The following GAN variants were observed in gnomAD, a reference collection of about 807,000 sequenced individuals.
GAN encodes the protein epididymis secretory sperm binding protein.
GAN carries 48 observed loss-of-function variants against 71.3 expected under a neutral mutation model. That is an observed-to-expected ratio of 0.67 (90% CI 0.53 to 0.86). The LOEUF is 0.86. GAN is among the 40% of genes least tolerant of loss of function. GAN has a pLI of 0.00. For missense variants in GAN, 928 were observed against 770.1 expected, an observed-to-expected ratio of 1.21 and a Z score of -2.43; for synonymous variants, 386 against 276.8, an observed-to-expected ratio of 1.39 and a Z score of -3.92.
intron 1 of GAN, among the ~76,000 whole-genome samples, chr16:81,340,970 C>T (rs979898710): frequency 1.3e-5 from 2 of 151,732 alleles, no homozygotes; most frequent in African/African-American, 4.8e-5. Flanking sequence ...AGCTGAAAAC[C>T]ACAGTATGAG....
intron 1 of GAN, among the ~76,000 whole-genome samples, chr16:81,315,620 G>A (rs979553714): frequency 2.5e-4 from 38 of 152,226 alleles, no homozygotes; most frequent in African/African-American, 8.9e-4. Context: ...GCCCCCAGAC[G>A]CCGTCCTGGG....
At chr16:81,367,890 T>C (rs1322777392) in intron 9 of GAN, among the ~76,000 whole-genome samples, 8 of 152,332 alleles carry the variant, frequency 5.3e-5, no homozygotes, top group African/African-American at 1.7e-4. Flanking sequence ...CTTAAAAATA[T>C]AGGCTTTCCT....
At chr16:81,340,101 G>A (rs1445408598) in intron 1 of GAN, among the ~76,000 whole-genome samples, 1 of 151,910 alleles carries the variant, frequency 6.6e-6, no homozygotes, top group African/African-American at 2.4e-5. Flanking sequence ...CTTTATATTT[G>A]TTCGTTTCTT....
At chr16:81,325,604 T>C (rs1379100313) in intron 1 of GAN, among the ~76,000 whole-genome samples, 1 of 152,162 alleles carries the variant, frequency 6.6e-6, no homozygotes, top group South Asian at 2.1e-4. Flanking sequence ...CAGGAAGGGA[T>C]GAACATGGAG....
chr16:81,376,629 T>C (rs549391568), intron 9 of GAN, among the ~76,000 whole-genome samples: 32 of 150,538 alleles, frequency 2.1e-4, no homozygotes, highest in African/African-American at 5.1e-4. Flanking sequence ...TATATATACA[T>C]ACATATATGT....
chr16:81,361,773 C>T (rs1208477813), intron 5 of GAN, among the ~76,000 whole-genome samples: 2 of 152,216 alleles, frequency 1.3e-5, no homozygotes, highest in African/African-American at 4.8e-5. Context: ...CAGCCCACTT[C>T]AGCTTCACAC....
Position 81,354,176 on chromosome 16 carries a change from A to G in GAN, c.283-229A>G, listed in dbSNP as rs185763368. Among the ~76,000 whole-genome samples the G allele has an allele frequency of 8.9e-3, 1,348 of 152,274 alleles. 7 individuals are homozygous for G. Among genetic ancestry groups the G allele is most frequent in the Non-Finnish European group, 0.013 (857 of 68,028 alleles). On this transcript the variant is annotated intron_variant, in intron 2 of 10. Transcript: ENST00000648994. ...TATTGGTGGTTGACATTGGTACAGC[A>G]AGGGCAGAGCTGGGAAAAGTTAACC...
At chr16:81,328,536 A>C (rs1321766874) in intron 1 of GAN, among the ~76,000 whole-genome samples, 2 of 152,178 alleles carry the variant, frequency 1.3e-5, no homozygotes, top group Non-Finnish European at 2.9e-5. Context: ...CCTACTTTGG[A>C]GACTATATCC....
At chr16:81,357,354 G>A (rs1431283682) in intron 4 of GAN, among the ~76,000 whole-genome samples, 1 of 152,090 alleles carries the variant, frequency 6.6e-6, no homozygotes, top group African/African-American at 2.4e-5. Flanking sequence ...AGAATATGCG[G>A]TGTTTGGTTT....
Position 81,354,576 on chromosome 16 carries a change from C to T in GAN, c.454C>T (p.Leu152Phe). The T allele has an allele frequency of 1.2e-6, 2 of 1,614,138 alleles. No homozygotes were observed. The highest frequency in any genetic ancestry group is 1.7e-6 in the Non-Finnish European group (2 of 1,180,004). Residue 152 changes from leucine (L) to phenylalanine (F), a missense_variant, in exon 3 of 11, where the codon CTT (leucine) becomes TTT (phenylalanine). By Grantham distance (22) the Leu-to-Phe change is conservative (BLOSUM62 0). Transcript: ENST00000648994. ...LHYCLHHVHYLATEYLETHFR... is the reference protein window; with the variant it reads ...LHYCLHHVHYFATEYLETHFR... ...TTACTGCCTCCATCACGTTCATTAC[C>T]TTGCCACAGAATACCTGGAGACTCA...
At position 81,384,300 on chromosome 16, in the gene GAN, T is replaced by TAAAAAAAAA; in HGVS notation, c.*6712_*6720dup. 1 of 123,710 alleles carries TAAAAAAAAA rather than the reference T, an allele frequency of 8.1e-6. No individual in the cohort carries two copies. Among genetic ancestry groups the TAAAAAAAAA allele is most frequent in the East Asian group, 2.1e-4 (1 of 4,682 alleles). 7.7% of individuals were successfully genotyped at this position (123,710 alleles called of 1,614,324 possible). ...AAGGCCTGTTTTCCATTTTACTACT[T>TAAAAAAAAA]AAAAAAAAAAAAAAAAGAAAAGAAA... On this transcript the variant is annotated 3_prime_UTR_variant, in exon 11 of 11. Transcript: ENST00000648994.
chr16:81,373,876 G>T (rs1349635861), intron 9 of GAN, among the ~76,000 whole-genome samples: 4 of 152,160 alleles, frequency 2.6e-5, no homozygotes, highest in African/African-American at 9.7e-5. Context: ...CCAAGTAGCT[G>T]GGACTACAGG....
intron 1 of GAN, among the ~76,000 whole-genome samples, chr16:81,343,722 C>G (rs531831779): frequency 6.6e-6 from 1 of 152,296 alleles, no homozygotes; most frequent in Non-Finnish European, 1.5e-5. Flanking sequence ...CAAGGATGCC[C>G]TCTCTCACCA....
chr16:81,339,928 T>G (rs1909886605), intron 1 of GAN, among the ~76,000 whole-genome samples: 1 of 152,192 alleles, frequency 6.6e-6, no homozygotes, highest in African/African-American at 2.4e-5. Context: ...CTTCAGGTGT[T>G]TGGAGACTTC....
rs56023541 is a variant in GAN, at chr16:81,383,242, C to CTTTTTTTTT, written c.*5666_*5674dup. ...TAGTCAGAAATGACTGTTGCCCTCTCTTTTTTTTTTTTTTTTTTTTTTTTT... is the reference window on the plus strand; with the variant it reads ...TAGTCAGAAATGACTGTTGCCCTCTCTTTTTTTTTTTTTTTTTTTTTTTTTTTTTTTTTT... On this transcript the variant is annotated 3_prime_UTR_variant, in exon 11 of 11. Coordinates refer to ENST00000648994, the MANE Select transcript of GAN (RefSeq NM_022041.4). 1 of 93,622 alleles carries CTTTTTTTTT rather than the reference C, an allele frequency of 1.1e-5. No homozygotes were observed. The highest frequency in any genetic ancestry group is 2.1e-5 in the Non-Finnish European group (1 of 48,506). The allele number at this position is 93,622 out of a possible 1,614,324, so 5.8% of individuals were successfully genotyped here.
intron 1 of GAN, among the ~76,000 whole-genome samples, chr16:81,329,009 G>C (rs138946559): frequency 0.012 from 1,824 of 152,028 alleles, 16 homozygotes; most frequent in Non-Finnish European, 0.019. Flanking sequence ...TAAAAATCTG[G>C]GCGTAAAATC....
chr16:81,341,542 A>C (rs1909942953), intron 1 of GAN, among the ~76,000 whole-genome samples: 2 of 152,322 alleles, frequency 1.3e-5, no homozygotes, highest in South Asian at 4.1e-4. Context: ...AAGCTTCATA[A>C]GTGAAGGAGA....
intron 5 of GAN, among the ~76,000 whole-genome samples, chr16:81,360,067 ATAGATG>A (rs1910624534): frequency 3.3e-5 from 5 of 151,950 alleles, no homozygotes; most frequent in Admixed American, 2.6e-4. Flanking sequence ...GGATGGATGG[ATAGATG>A]GATGGACAGA....
Position 81,365,404 on chromosome 16 carries a change from C to T in GAN, c.1428C>T (p.Val476=), listed in dbSNP as rs774365963. 5 of 1,613,312 alleles carry T rather than the reference C, an allele frequency of 3.1e-6. No individual in the cohort carries two copies. Among genetic ancestry groups the T allele is most frequent in the East Asian group, 4.5e-5 (2 of 44,856 alleles). ...TGGAGCTGTATGTGTTTGGGGGAGT[C>T]CGAAGTCGTGAGGACGCCCAGGGTA... The part of the protein sequence containing the change: ...VAMELYVFGG[V]RSREDAQGSE... Residue 476 remains valine, a synonymous_variant, in exon 9 of 11, where the codon GTC becomes GTT. Coordinates refer to ENST00000648994, the MANE Select transcript of GAN (RefSeq NM_022041.4).
Sources: gnomAD v4.1 joint callset for allele counts (sites outside exome capture counted in the v4.1 genomes callset) on GRCh38, gnomAD v4.1.1 for gene constraint, MANE v1.5 for transcripts, NCBI Gene and HGNC (gene_info 2026-07-23, HGNC 2026-07-21) for gene names.